DYSF: variants seen among roughly 807,000 people sequenced by gnomAD.
The protein encoded by DYSF is dysferlin.
A neutral mutation model predicts 274.9 loss-of-function variants in DYSF; 212 were observed. The ratio of observed to expected loss-of-function variants is 0.77; its 90% CI spans 0.69 to 0.86. The LOEUF is 0.86. Among genes scored for constraint, DYSF ranks in the 40% least tolerant of loss-of-function variants. The pLI is 0.00. For synonymous variants in DYSF, 1,091 were observed against 1,078.7 expected, an observed-to-expected ratio of 1.01 and a Z score of -0.22; for missense variants, 2,666 against 2,783.2, an observed-to-expected ratio of 0.96 and a Z score of 0.95.
intron 29 of DYSF, among the ~76,000 whole-genome samples, chr2:71,573,780 A>G (rs1236588910): frequency 1.3e-5 from 2 of 152,102 alleles, no homozygotes; most frequent in Non-Finnish European, 2.9e-5. Flanking sequence ...CCCGCAGCCC[A>G]TGGAGCCTCC....
Position 71,570,626 on chromosome 2 carries a change from C to T in DYSF, c.3113C>T (p.Pro1038Leu), listed in dbSNP as rs764931697. ...QGWEYSITIPPERKPKHWVPA... is the reference protein window; with the variant it reads ...QGWEYSITIPLERKPKHWVPA... ...TGGGAGTATAGCATCACCATCCCCC[C>T]GGAGCGGAAGCCGAAGCACTGGGTC... Residue 1038 changes from proline to leucine, a missense_variant, in exon 29 of 56, where the codon CCG (proline) becomes CTG (leucine). By Grantham distance (98) the Pro-to-Leu change is moderately conservative. This residue lies in a region of DYSF where 1,460 missense variants were observed against 1,502.1 expected (regional missense o/e 0.97). Transcript: ENST00000410020. The T allele has an allele frequency of 3.1e-5, 50 of 1,613,930 alleles. No homozygotes were observed. The Admixed American group carries it at 4.7e-4, about 15-fold the overall frequency.
At chr2:71,589,456 T>C in intron 30 of DYSF, 137 bp from the exon 31 acceptor site, 1 of 727,876 alleles carries the variant, frequency 1.4e-6, no homozygotes, top group Non-Finnish European at 2.5e-6. Context: ...CTCCCCAGAA[T>C]GAAATTAGAG....
chr2:71,483,542 C>A (rs1025671830), intron 3 of DYSF, among the ~76,000 whole-genome samples: 2 of 152,100 alleles, frequency 1.3e-5, no homozygotes, highest in African/African-American at 4.8e-5. Context: ...AGTCTCACGA[C>A]ACGTGCGGCC....
chr2:71,533,843 G>A (rs775382444), intron 14 of DYSF, among the ~76,000 whole-genome samples: 52 of 152,304 alleles, frequency 3.4e-4, no homozygotes, highest in Admixed American at 7.2e-4. Context: ...TTTTCTTTGT[G>A]TTTCTTTCTG....
At chr2:71,573,916 A>T (rs1036421782) in intron 29 of DYSF, among the ~76,000 whole-genome samples, 1 of 151,992 alleles carries the variant, frequency 6.6e-6, no homozygotes, top group Non-Finnish European at 1.5e-5. Context: ...TCCACCTCCC[A>T]GGTTCAAGCA....
chr2:71,592,645 G>A (rs759171433), intron 32 of DYSF, among the ~76,000 whole-genome samples: 29 of 152,372 alleles, frequency 1.9e-4, no homozygotes, highest in Admixed American at 3.3e-4. Context: ...CTGGCACAGT[G>A]TCTGTCACTG....
At position 71,459,116 on chromosome 2, in the gene DYSF, G is replaced by C. The variant is rs553027476; in HGVS notation, c.88+5030G>C. Among the ~76,000 whole-genome samples, 3 of 152,186 alleles carry C rather than the reference G, an allele frequency of 2.0e-5. 1 individual carries two copies. The highest frequency in any genetic ancestry group is 2.0e-4 in the Admixed American group (3 of 15,280). On this transcript the variant is annotated intron_variant, in intron 1 of 54. Transcript: ENST00000258104. ...TGAATGTGAAGGGAGAGGGAAGAAG[G>C]CCTCATCTATACTTCCGGAAGCCTT... is the stretch of plus-strand genomic sequence containing the variant.
chr2:71,622,130 G>GTTTTTTTTTTTT (rs74263952), intron 41 of DYSF, among the ~76,000 whole-genome samples: 8,838 of 96,070 alleles, frequency 0.092, 1,089 homozygotes, highest in Admixed American at 0.12. Flanking sequence ...TGATTTCTTT[G>GTTTTTTTTTTTT]TTTTTTTTTT....
chr2:71,548,073 G>A (rs939931620), intron 17 of DYSF, among the ~76,000 whole-genome samples: 6 of 152,158 alleles, frequency 3.9e-5, no homozygotes, highest in Non-Finnish European at 7.3e-5. Context: ...GCCCTGGCTC[G>A]CCCACAGAAG....
In DYSF at chr2:71,520,347, G is replaced by A. The variant is rs973265133; in HGVS notation, c.1033+139G>A. ...GGTTTGATCTTGGGAGAGAAAGCAG[G>A]TCATTCATCCTCCATGTGAGACAGG... On this transcript the variant is annotated intron_variant, in intron 11 of 55. Coordinates refer to ENST00000410020, the MANE Select transcript of DYSF (RefSeq NM_001130987.2). 18 of 992,202 alleles carry A rather than the reference G, an allele frequency of 1.8e-5. No individual in the cohort carries two copies. In the African/African-American group the frequency reaches 2.2e-4, roughly 12 times the overall value. 61.5% of individuals were successfully genotyped at this position (992,202 alleles called of 1,614,324 possible). A position where few individuals can be genotyped will look rare whatever the true frequency, so the allele number is the denominator to read the frequency against.
intron 51 of DYSF, among the ~76,000 whole-genome samples, chr2:71,671,310 C>G (rs933520565): frequency 6.6e-6 from 1 of 152,208 alleles, no homozygotes; most frequent in Admixed American, 6.5e-5. Flanking sequence ...GCCTCATTTG[C>G]TGCTGTTCAG....
intron 40 of DYSF, among the ~76,000 whole-genome samples, chr2:71,618,084 G>T (rs2093955257): frequency 7.6e-6 from 1 of 130,948 alleles, no homozygotes; most frequent in African/African-American, 2.9e-5. Flanking sequence ...GTGTGTGGTA[G>T]AGATGGGGTG....
At chr2:71,466,981 C>G (rs1010866007) in intron 1 of DYSF, 48 bp downstream of exon 1, 2 of 1,535,862 alleles carry the variant, frequency 1.3e-6, no homozygotes, top group South Asian at 2.4e-5. Context: ...CTACCCGACT[C>G]TCGGCGCTCA....
chr2:71,456,895 C>T (rs1266273975), intron 1 of DYSF, among the ~76,000 whole-genome samples: 3 of 152,124 alleles, frequency 2.0e-5, no homozygotes, highest in Non-Finnish European at 4.4e-5. Flanking sequence ...GGCACTCGGA[C>T]CTGAGCCAGC....
In DYSF at chr2:71,589,700, C is replaced by T. The variant is rs112034381; in HGVS notation, c.3496+14C>T. On this transcript the variant is annotated intron_variant, in intron 31 of 55. Transcript: ENST00000410020. ...GCATATTCGACTGTAAGTGAGGCTT[C>T]GAGGCCTCTATGGGGTGATAAGGGT... is the stretch of plus-strand genomic sequence containing the variant. 5.3e-4 allele frequency: 854 copies of T among 1,610,404 alleles called. 4 individuals are homozygous for T. The African/African-American group carries it at 0.01, about 19-fold the overall frequency.
intron 42 of DYSF, among the ~76,000 whole-genome samples, chr2:71,654,143 G>A (rs775703213): frequency 7.9e-5 from 12 of 152,090 alleles, no homozygotes; most frequent in South Asian, 4.1e-4. Context: ...TGATAAACCC[G>A]TGCAAGTTTC....
chr2:71,601,355 A>G, intron 34 of DYSF, 144 bp from the exon 35 acceptor site: 5 of 1,085,892 alleles, frequency 4.6e-6, no homozygotes, highest in Non-Finnish European at 7.1e-6. Context: ...GCACAGTGCC[A>G]GCCTAGCATC....
intron 24 of DYSF, 109 bp from the exon 25 acceptor site, chr2:71,567,842 G>A (rs910395697): frequency 2.0e-6 from 3 of 1,494,352 alleles, no homozygotes; most frequent in Admixed American, 3.7e-5. Flanking sequence ...CCCAGTGAGG[G>A]TGTCAGCCTG....
At chr2:71,536,562 G>A (rs1157696806) in intron 16 of DYSF, among the ~76,000 whole-genome samples, 2 of 152,240 alleles carry the variant, frequency 1.3e-5, no homozygotes, top group East Asian at 1.9e-4. Flanking sequence ...GCGTGTTTGC[G>A]CATGTGGATG....
Sources: allele counts gnomAD v4.1 joint callset (sites outside exome capture counted in the v4.1 genomes callset), GRCh38; gene constraint gnomAD v4.1.1; regional missense constraint gnomAD v4.1.1; transcripts MANE v1.5; gene names NCBI Gene and HGNC (gene_info 2026-07-23, HGNC 2026-07-21).